LINGO2: variants seen among roughly 807,000 people sequenced by gnomAD.
LINGO2 encodes leucine-rich repeat and immunoglobulin-like domain-containing nogo receptor-interacting protein 2.
In LINGO2, 14 loss-of-function variants were observed where a neutral mutation model predicts 30.6. The observed-to-expected ratio is 0.46, with a 90% confidence interval of 0.30 to 0.72. The LOEUF is 0.72. Among genes scored for constraint, LINGO2 ranks in the 30% least tolerant of loss-of-function variants. LINGO2 has a pLI of 0.07. For missense variants in LINGO2, 729 were observed against 751.7 expected (o/e 0.97, Z 0.35); for synonymous variants, 317 against 288.5 (o/e 1.10, Z -1.00).
intron 3 of LINGO2, among the ~76,000 whole-genome samples, chr9:28,306,040 C>G (rs1478622395): frequency 1.3e-5 from 2 of 151,994 alleles, no homozygotes; most frequent in African/African-American, 4.8e-5. Flanking sequence ...TTGACCAGGC[C>G]AAGCCAAACC....
chr9:28,731,024 C>G, the LINGO2 span, among the ~76,000 whole-genome samples: 1 of 151,618 alleles, frequency 6.6e-6, no homozygotes, highest in Admixed American at 6.6e-5. Context: ...GAGTTTCACT[C>G]TTATTGCCCA....
the LINGO2 span, among the ~76,000 whole-genome samples, chr9:28,861,251 CAAT>C: frequency 3.3e-4 from 34 of 104,284 alleles, no homozygotes; most frequent in African/African-American, 1.2e-3. Flanking sequence ...ATTTTTTATA[CAAT>C]ATTATATAAA....
chr9:28,842,746 G>C, the LINGO2 span, among the ~76,000 whole-genome samples: 2 of 151,722 alleles, frequency 1.3e-5, no homozygotes, highest in Admixed American at 1.3e-4. Flanking sequence ...ACTTATTTGT[G>C]GTTCCCATAG....
chr9:27,977,441 G>A (rs1410429897), intron 5 of LINGO2, among the ~76,000 whole-genome samples: 1 of 151,700 alleles, frequency 6.6e-6, no homozygotes, highest in Admixed American at 6.6e-5. Flanking sequence ...TACCCTTATT[G>A]CCTCAAAAGA....
At chr9:28,001,388 G>A (rs1006126828) in intron 5 of LINGO2, among the ~76,000 whole-genome samples, 2 of 139,306 alleles carry the variant, frequency 1.4e-5, no homozygotes, top group African/African-American at 5.3e-5. Flanking sequence ...GAGATGTTAG[G>A]GACTATCACA....
At chr9:28,422,229 C>T (rs1823223963) in intron 2 of LINGO2, among the ~76,000 whole-genome samples, 1 of 151,876 alleles carries the variant, frequency 6.6e-6, no homozygotes, top group Non-Finnish European at 1.5e-5. Flanking sequence ...AAAAAGGCAA[C>T]CTACATAATG....
chr9:28,119,284 T>C (rs1005301372), intron 4 of LINGO2, among the ~76,000 whole-genome samples: 1 of 152,190 alleles, frequency 6.6e-6, no homozygotes, highest in African/African-American at 2.4e-5. Flanking sequence ...CAGGTGCCCA[T>C]GCCCAGCTAA....
At chr9:28,876,627 C>A in the LINGO2 span, among the ~76,000 whole-genome samples, 5 of 152,224 alleles carry the variant, frequency 3.3e-5, no homozygotes, top group African/African-American at 1.2e-4. Context: ...ATATGTGCCA[C>A]ATTTTCTTAA....
chr9:28,431,474 A>G (rs565973477), intron 2 of LINGO2, among the ~76,000 whole-genome samples: 1 of 152,344 alleles, frequency 6.6e-6, no homozygotes, highest in South Asian at 2.1e-4. Flanking sequence ...GATCTATAGA[A>G]CAATTGTTTG....
intron 5 of LINGO2, among the ~76,000 whole-genome samples, chr9:27,966,122 C>T (rs1820088550): frequency 6.6e-6 from 1 of 151,938 alleles, no homozygotes; most frequent in African/African-American, 2.4e-5. Flanking sequence ...TTGTATGACA[C>T]AAAATCTCTC....
intron 4 of LINGO2, among the ~76,000 whole-genome samples, chr9:28,187,699 T>C (rs144062202): frequency 2.0e-5 from 3 of 152,280 alleles, no homozygotes; most frequent in African/African-American, 7.2e-5. Context: ...GACATAAACA[T>C]TTAAACTTGA....
the LINGO2 span, among the ~76,000 whole-genome samples, chr9:28,888,220 T>C: frequency 6.6e-6 from 1 of 152,070 alleles, no homozygotes; most frequent in South Asian, 2.1e-4. Flanking sequence ...AGTAATTGAA[T>C]TTGTCACTCT....
At chr9:29,193,243 G>T in the LINGO2 span, among the ~76,000 whole-genome samples, 1 of 152,108 alleles carries the variant, frequency 6.6e-6, no homozygotes, top group Admixed American at 6.5e-5. Flanking sequence ...ACCTGAAACT[G>T]CCTATGAAAT....
At chr9:28,820,945 T>A in the LINGO2 span, among the ~76,000 whole-genome samples, 1 of 152,300 alleles carries the variant, frequency 6.6e-6, no homozygotes, top group African/African-American at 2.4e-5. Context: ...TCCTCATAAA[T>A]GAGCCTTCAA....
At chr9:28,054,756 A>G (rs1172354087) in intron 4 of LINGO2, among the ~76,000 whole-genome samples, 2 of 152,060 alleles carry the variant, frequency 1.3e-5, no homozygotes, top group Non-Finnish European at 2.9e-5. Flanking sequence ...CACAAATACC[A>G]TATTATAAGT....
At chr9:29,016,111 T>C in the LINGO2 span, among the ~76,000 whole-genome samples, 3 of 152,210 alleles carry the variant, frequency 2.0e-5, no homozygotes, top group African/African-American at 4.8e-5. Flanking sequence ...TTCTGACATA[T>C]AAATTCCTTA....
At chr9:28,672,412 T>C (rs781110866), upstream of LINGO2, among the ~76,000 whole-genome samples, 9 of 152,164 alleles carry the variant, frequency 5.9e-5, no homozygotes, top group Non-Finnish European at 1.3e-4. Context: ...TCTAACTCTA[T>C]TGGAAGCTCA....
chr9:29,065,376 T>C, the LINGO2 span, among the ~76,000 whole-genome samples: 1 of 152,132 alleles, frequency 6.6e-6, no homozygotes, highest in Non-Finnish European at 1.5e-5. Flanking sequence ...ATTTCATAGG[T>C]TATCTTCCAG....
intron 1 of LINGO2, among the ~76,000 whole-genome samples, chr9:28,583,828 C>T (rs1286933402): frequency 6.6e-6 from 1 of 151,904 alleles, no homozygotes; most frequent in Non-Finnish European, 1.5e-5. Context: ...AAACTTAATC[C>T]CCAATGCAGC....
Sources: gnomAD v4.1 joint callset for allele counts (sites outside exome capture counted in the v4.1 genomes callset) on GRCh38, gnomAD v4.1.1 for gene constraint, MANE v1.5 for transcripts, NCBI Gene and HGNC (gene_info 2026-07-23, HGNC 2026-07-21) for gene names.